Variants in LRRC40 observed in about 807,000 individuals in gnomAD.
The protein encoded by LRRC40 is leucine-rich repeat-containing protein 40.
Under a neutral mutation model 72.8 loss-of-function variants are expected in LRRC40, and 76 were observed. That is an observed-to-expected ratio of 1.04 (90% CI 0.87 to 1.26). The LOEUF is 1.26. Among genes scored for constraint, LRRC40 ranks in the 50% most tolerant of loss-of-function variants. LRRC40 has a pLI of 0.00. For missense variants in LRRC40, 684 were observed against 698.9 expected, an observed-to-expected ratio of 0.98 and a Z score of 0.24; for synonymous variants, 243 against 254.2, an observed-to-expected ratio of 0.96 and a Z score of 0.42.
chr1:70,156,157 T>A (rs892032531), intron 10 of LRRC40, among the ~76,000 whole-genome samples: 7 of 152,172 alleles, frequency 4.6e-5, no homozygotes, highest in Non-Finnish European at 1.0e-4. Flanking sequence ...AAGCTAGTTG[T>A]TGCCCCATCT....
At chr1:70,193,816 A>G (rs925068994) in intron 1 of LRRC40, among the ~76,000 whole-genome samples, 1 of 152,046 alleles carries the variant, frequency 6.6e-6, no homozygotes, top group African/African-American at 2.4e-5. Flanking sequence ...ATTAATCAAT[A>G]AAAGCTACCA....
At chr1:70,177,347 T>C (rs1668132161) in intron 6 of LRRC40, among the ~76,000 whole-genome samples, 1 of 152,170 alleles carries the variant, frequency 6.6e-6, no homozygotes, top group Non-Finnish European at 1.5e-5. Flanking sequence ...TTAACTGTAG[T>C]ACACACTGTA....
intron 11 of LRRC40, among the ~76,000 whole-genome samples, chr1:70,155,388 A>G (rs926482140): frequency 6.6e-6 from 1 of 152,106 alleles, no homozygotes; most frequent in African/African-American, 2.4e-5. Context: ...ATAATTCCCT[A>G]TATTTCATTA....
At chr1:70,181,282 T>C in intron 4 of LRRC40, 73 bp from the exon 5 acceptor site, 2 of 959,288 alleles carry the variant, frequency 2.1e-6, no homozygotes, top group Non-Finnish European at 2.9e-6. Flanking sequence ...TAAAAAGGAT[T>C]TCAAATTTTT....
chr1:70,157,020 C>A (rs1419472879), intron 10 of LRRC40, among the ~76,000 whole-genome samples: 1 of 152,100 alleles, frequency 6.6e-6, no homozygotes, highest in East Asian at 1.9e-4. Flanking sequence ...TCCTTACATT[C>A]TTCTTTTAAA....
rs778504420 is a variant in LRRC40, at chr1:70,153,421, G to GA, written c.1329-879dup. ...CAACTTAGTCTATCTCATTAGCAAA[G>GA]AAAAAAAAAAGAAAGGATATAAAAT... is the stretch of plus-strand genomic sequence containing the variant. On this transcript the variant is annotated intron_variant, in intron 11 of 14. Coordinates refer to ENST00000370952, the MANE Select transcript of LRRC40 (RefSeq NM_017768.5). Among the ~76,000 whole-genome samples the GA allele has an allele frequency of 8.9e-4, 127 of 142,574 alleles. 2 individuals are homozygous for GA. In the East Asian group the frequency reaches 0.017, roughly 19 times the overall value. 93.5% of individuals were successfully genotyped at this position (142,574 alleles called of 152,430 possible). A position where few individuals can be genotyped will look rare whatever the true frequency, so the allele number is the denominator to read the frequency against.
In LRRC40 at chr1:70,203,607, A is replaced by C. The variant is rs376305205; in HGVS notation, c.151+1783T>G. 4.6e-5 allele frequency among the ~76,000 whole-genome samples: 7 copies of C among 152,286 alleles called. No individual in the cohort carries two copies. In the South Asian group the frequency reaches 6.2e-4, roughly 14 times the overall value. On this transcript the variant is annotated intron_variant, in intron 1 of 14. Coordinates refer to ENST00000370952, the MANE Select transcript of LRRC40 (RefSeq NM_017768.5). ...TGCTGCCATGATAACAGCAATGGTG[A>C]ATTTTTACTGTGTACTTTTTATGTA... is the stretch of plus-strand genomic sequence containing the variant.
At chr1:70,198,007 C>T (rs769920035) in intron 1 of LRRC40, among the ~76,000 whole-genome samples, 20 of 152,278 alleles carry the variant, frequency 1.3e-4, no homozygotes, top group Non-Finnish European at 1.8e-4. Context: ...AGTGATCCGC[C>T]TGCTTCCACC....
chr1:70,172,620 G>A (rs1668022407), intron 9 of LRRC40, among the ~76,000 whole-genome samples: 1 of 152,130 alleles, frequency 6.6e-6, no homozygotes, highest in East Asian at 1.9e-4. Context: ...ATTTGTTCTG[G>A]AAGAGAAAGC....
At chr1:70,149,661 G>A (rs1328966821) in intron 13 of LRRC40, among the ~76,000 whole-genome samples, 2 of 152,164 alleles carry the variant, frequency 1.3e-5, no homozygotes, top group Non-Finnish European at 2.9e-5. Flanking sequence ...GGAGAGATGT[G>A]AGAAGTGCAC....
At position 70,160,038 on chromosome 1, in the gene LRRC40, A is replaced by C. The variant is rs546252473; in HGVS notation, c.1112-600T>G. Among the ~76,000 whole-genome samples, 3 of 152,286 alleles carry C rather than the reference A, an allele frequency of 2.0e-5. No homozygotes were observed. The South Asian group carries it at 6.2e-4, about 32-fold the overall frequency. ...TTCACGCACCATCAACCACCTTACT[A>C]ATCTCCAGAGACTGTTTAACACTGT... On this transcript the variant is annotated intron_variant, in intron 9 of 14. Transcript: ENST00000370952.
intron 1 of LRRC40, among the ~76,000 whole-genome samples, chr1:70,202,210 G>T (rs1030880354): frequency 1.3e-5 from 2 of 152,044 alleles, no homozygotes; most frequent in South Asian, 4.2e-4. Context: ...CAAATGAGTT[G>T]AACATATATC....
chr1:70,187,621 T>A lies in LRRC40; in HGVS notation c.334-283A>T, dbSNP rs146414609. 6.1e-3 allele frequency among the ~76,000 whole-genome samples: 931 copies of A among 151,594 alleles called. 12 individuals are homozygous for A. Among genetic ancestry groups the A allele is most frequent in the African/African-American group, 0.021 (854 of 41,284 alleles). ...AGGCAAATCGCTTGTACCCAGGAGT[T>A]TGAGACTAGCCTAGGCAAATTAGTG... On this transcript the variant is annotated intron_variant, in intron 2 of 14. Coordinates refer to ENST00000370952, the MANE Select transcript of LRRC40 (RefSeq NM_017768.5).
Position 70,173,493 on chromosome 1 carries a change from G to C in LRRC40, c.1083C>G (p.Val361=). 6.2e-7 allele frequency: 1 copy of C among 1,607,694 alleles called. No homozygotes were observed. Among genetic ancestry groups the C allele is most frequent in the Non-Finnish European group, 8.5e-7 (1 of 1,175,018 alleles). Residue 361 remains valine (V), a synonymous_variant, in exon 9 of 15, where the codon GTC becomes GTG. Transcript: ENST00000370952. ...REIISKGTQE[V]LKYLRSKIKD... is the part of the protein sequence containing the mutation. ...TGATCTTGCTTCGTAGATATTTTAG[G>C]ACTTCTTGTGTTCCTTTCTAGAAGG...
intron 12 of LRRC40, chr1:70,152,022 T>G (rs1667508649): frequency 6.3e-6 from 1 of 158,382 alleles, no homozygotes; most frequent in Admixed American, 6.5e-5. Context: ...TTTTTCTATA[T>G]CTACATTCTC....
chr1:70,166,262 G>C (rs1667877639), intron 9 of LRRC40, among the ~76,000 whole-genome samples: 1 of 152,134 alleles, frequency 6.6e-6, no homozygotes, highest in Non-Finnish European at 1.5e-5. Flanking sequence ...GAAATACCAA[G>C]GGATTATTTA....
At chr1:70,169,755 GTATATC>G (rs1275221233) in intron 9 of LRRC40, among the ~76,000 whole-genome samples, 3 of 152,082 alleles carry the variant, frequency 2.0e-5, no homozygotes, top group Admixed American at 1.3e-4. Flanking sequence ...GACAATCTGA[GTATATC>G]TATAACACGT....
intron 5 of LRRC40, among the ~76,000 whole-genome samples, chr1:70,179,434 C>T (rs1668193535): frequency 6.6e-6 from 1 of 152,132 alleles, no homozygotes; most frequent in South Asian, 2.1e-4. Context: ...CTGCACTGAG[C>T]TATGATCATG....
chr1:70,205,575 C>T lies in LRRC40; in HGVS notation c.-35G>A, dbSNP rs1407407209. 1.0e-5 allele frequency: 16 copies of T among 1,558,752 alleles called. No individual in the cohort carries two copies. The highest frequency in any genetic ancestry group is 1.4e-5 in the Non-Finnish European group (16 of 1,140,496). ...CCTAGGTCCAGAAGCTGCAGCCCCA[C>T]CCGTGACGCTTAAAGGTGGCGCCGT... On this transcript the variant is annotated 5_prime_UTR_variant, in exon 1 of 15. In the 5' UTR this introduces an upstream ATG that the reference lacks. Coordinates refer to ENST00000370952, the MANE Select transcript of LRRC40 (RefSeq NM_017768.5).
Sources: allele counts gnomAD v4.1 joint callset (sites outside exome capture counted in the v4.1 genomes callset), GRCh38; gene constraint gnomAD v4.1.1; transcripts MANE v1.5; gene names NCBI Gene and HGNC (gene_info 2026-07-23, HGNC 2026-07-21).